CRPPA: variants seen among roughly 807,000 people sequenced by gnomAD.
CRPPA encodes CDP-L-ribitol pyrophosphorylase A.
A neutral mutation model predicts 52.0 loss-of-function variants in CRPPA; 43 were observed. The ratio of observed to expected loss-of-function variants is 0.83; its 90% CI spans 0.65 to 1.07. The LOEUF is 1.07. Among genes scored for constraint, CRPPA ranks in the 50% least tolerant of loss-of-function variants. The pLI, the probability that CRPPA is intolerant of heterozygous loss-of-function variation, is 0.00. For synonymous variants in CRPPA, 250 were observed against 203.5 expected (o/e 1.23, Z -1.94); for missense variants, 629 against 551.7 (o/e 1.14, Z -1.40).
At chr7:16,219,597 A>C (rs1782441499) in intron 8 of CRPPA, among the ~76,000 whole-genome samples, 1 of 121,742 alleles carries the variant, frequency 8.2e-6, no homozygotes, top group Admixed American at 9.5e-5. Context: ...GCAATAAAAA[A>C]TGATAAAGGG....
At chr7:16,296,707 A>C (rs1035577338) in intron 5 of CRPPA, among the ~76,000 whole-genome samples, 22 of 152,180 alleles carry the variant, frequency 1.4e-4, no homozygotes, top group African/African-American at 5.1e-4. Flanking sequence ...CAACAACAGA[A>C]AAAAAACAAT....
At chr7:16,404,061 A>T (rs1331966886) in intron 2 of CRPPA, among the ~76,000 whole-genome samples, 1 of 152,208 alleles carries the variant, frequency 6.6e-6, no homozygotes, top group African/African-American at 2.4e-5. Context: ...AACCAGTTGT[A>T]ACATCTGTCT....
Position 16,134,387 on chromosome 7 carries a change from A to C in CRPPA, c.1252-42588T>G, listed in dbSNP as rs1283009587. ...CCTAATGATAAATGTAATACACTTG[A>C]ATCATCCTGAAACCATCCTCCCACC... On this transcript the variant is annotated intron_variant, in intron 9 of 9. Transcript: ENST00000407010. Among the ~76,000 whole-genome samples, 3 of 64,758 alleles carry C rather than the reference A, an allele frequency of 4.6e-5. 1 individual carries two copies. The highest frequency in any genetic ancestry group is 3.1e-4 in the Admixed American group (2 of 6,386). 42.5% of individuals were successfully genotyped at this position (64,758 alleles called of 152,430 possible). A position where few individuals can be genotyped will look rare whatever the true frequency, so the allele number is the denominator to read the frequency against.
chr7:16,366,717 G>A (rs1786599929), intron 3 of CRPPA, among the ~76,000 whole-genome samples: 1 of 135,824 alleles, frequency 7.4e-6, no homozygotes, highest in Non-Finnish European at 1.6e-5. Flanking sequence ...TGGAACCAAA[G>A]AAAATGACAT....
rs77627225 is a variant in CRPPA, at chr7:16,123,582, C to G, written c.1252-31783G>C. 1.9e-3 allele frequency among the ~76,000 whole-genome samples: 283 copies of G among 152,214 alleles called. No homozygotes were observed. The East Asian group carries it at 0.021, about 11-fold the overall frequency. Reference sequence around the variant, plus strand: ...GGGGACCACCCAACATGCTAGGCCACCCAGTAAATAGCATGTAATAGTGAT... The same window carrying G: ...GGGGACCACCCAACATGCTAGGCCAGCCAGTAAATAGCATGTAATAGTGAT... On this transcript the variant is annotated intron_variant, in intron 9 of 9. Coordinates refer to ENST00000407010, the MANE Select transcript of CRPPA (RefSeq NM_001101426.4).
At chr7:16,177,343 GAATGAAGTATAT>G (rs952311923) in intron 9 of CRPPA, among the ~76,000 whole-genome samples, 4 of 151,992 alleles carry the variant, frequency 2.6e-5, no homozygotes, top group South Asian at 2.1e-4. Flanking sequence ...AACTGAAAAG[GAATGAAGTATAT>G]AATATGTCCT....
At chr7:16,186,436 A>G (rs561598866) in intron 9 of CRPPA, among the ~76,000 whole-genome samples, 9 of 152,248 alleles carry the variant, frequency 5.9e-5, no homozygotes, top group African/African-American at 2.2e-4. Flanking sequence ...CCAGAATCCA[A>G]CCATGCTGGC....
chr7:16,383,375 G>A (rs1490426153), intron 2 of CRPPA, among the ~76,000 whole-genome samples: 6 of 152,256 alleles, frequency 3.9e-5, no homozygotes, highest in Middle Eastern at 6.8e-3. Context: ...AGGAGTACCC[G>A]GCCGTGTGAG....
chr7:16,337,265 T>A (rs1026806934), intron 3 of CRPPA, among the ~76,000 whole-genome samples: 5 of 152,158 alleles, frequency 3.3e-5, no homozygotes, highest in Admixed American at 3.3e-4. Flanking sequence ...CTTAAGTATT[T>A]TTTCAGGTCA....
chr7:16,157,131 A>G (rs1221043881), intron 9 of CRPPA, among the ~76,000 whole-genome samples: 1 of 151,360 alleles, frequency 6.6e-6, no homozygotes, highest in East Asian at 1.9e-4. Context: ...GAGAAGAAAT[A>G]TTTATTGTGT....
At chr7:16,156,932 G>A (rs1244844653) in intron 9 of CRPPA, among the ~76,000 whole-genome samples, 2 of 152,160 alleles carry the variant, frequency 1.3e-5, no homozygotes, top group African/African-American at 2.4e-5. Context: ...GCAAAATACA[G>A]CTCCAAAGAG....
At chr7:16,323,903 A>G (rs574283085) in intron 3 of CRPPA, among the ~76,000 whole-genome samples, 1 of 152,342 alleles carries the variant, frequency 6.6e-6, no homozygotes, top group Non-Finnish European at 1.5e-5. Context: ...GCAGCTTTGA[A>G]AGCACCTACA....
intron 3 of CRPPA, among the ~76,000 whole-genome samples, chr7:16,369,615 A>G (rs369509044): frequency 2.0e-5 from 3 of 152,226 alleles, no homozygotes; most frequent in South Asian, 2.1e-4. Context: ...CAAAAAAGAT[A>G]TATCAGGTAG....
At chr7:16,225,357 T>C (rs1264335515) in intron 8 of CRPPA, among the ~76,000 whole-genome samples, 2 of 151,998 alleles carry the variant, frequency 1.3e-5, no homozygotes, top group African/African-American at 4.8e-5. Flanking sequence ...TTTAACACTG[T>C]TGTATTATGG....
chr7:16,106,559 CACA>C (rs1562506868), intron 9 of CRPPA, among the ~76,000 whole-genome samples: 1 of 152,210 alleles, frequency 6.6e-6, no homozygotes, highest in Non-Finnish European at 1.5e-5. Flanking sequence ...CTGGAGAACT[CACA>C]ACAAGTTCTA....
chr7:16,283,420 C>G (rs996189013), intron 5 of CRPPA, among the ~76,000 whole-genome samples: 2 of 149,898 alleles, frequency 1.3e-5, no homozygotes, highest in African/African-American at 4.9e-5. Context: ...ACTAATATAT[C>G]ACATATATAT....
chr7:16,295,905 T>G (rs565235224), intron 5 of CRPPA, among the ~76,000 whole-genome samples: 1 of 152,210 alleles, frequency 6.6e-6, no homozygotes, highest in East Asian at 1.9e-4. Flanking sequence ...GTTGTACCAA[T>G]TAATCATACT....
At chr7:16,158,433 G>A (rs1158016317) in intron 9 of CRPPA, among the ~76,000 whole-genome samples, 2 of 151,832 alleles carry the variant, frequency 1.3e-5, no homozygotes, top group South Asian at 4.2e-4. Flanking sequence ...TTTCTAAATG[G>A]AATACAGTTA....
At chr7:16,146,605 A>C (rs750969157) in intron 9 of CRPPA, among the ~76,000 whole-genome samples, 56 of 152,306 alleles carry the variant, frequency 3.7e-4, no homozygotes, top group Non-Finnish European at 6.0e-4. Context: ...AAAGATATAA[A>C]CTGTAACATC....
Sources: allele counts gnomAD v4.1 joint callset (sites outside exome capture counted in the v4.1 genomes callset), GRCh38; gene constraint gnomAD v4.1.1; transcripts MANE v1.5; gene names NCBI Gene and HGNC (gene_info 2026-07-23, HGNC 2026-07-21).